The following CNTN5 variants were observed in gnomAD, a reference collection of about 807,000 sequenced individuals.
The protein encoded by CNTN5 is contactin-5.
CNTN5 carries 77 observed loss-of-function variants against 129.1 expected under a neutral mutation model. That is an observed-to-expected ratio of 0.60 (90% CI 0.50 to 0.72). The LOEUF (loss-of-function observed/expected upper bound fraction) is 0.72. Among genes scored for constraint, CNTN5 ranks in the 30% least tolerant of loss-of-function variants. The pLI, the probability that CNTN5 is intolerant of heterozygous loss-of-function variation, is 0.00. For synonymous variants in CNTN5, 509 were observed against 465.6 expected, an observed-to-expected ratio of 1.09 and a Z score of -1.20; for missense variants, 1,478 against 1,328.8, an observed-to-expected ratio of 1.11 and a Z score of -1.75.
At chr11:99,683,441 C>G (rs1055886485) in intron 3 of CNTN5, among the ~76,000 whole-genome samples, 3 of 151,872 alleles carry the variant, frequency 2.0e-5, no homozygotes, top group African/African-American at 7.2e-5. Context: ...ATTTTAAGTG[C>G]ACATATATGC....
chr11:99,881,503 G>C (rs985512505), intron 6 of CNTN5, among the ~76,000 whole-genome samples: 6 of 152,090 alleles, frequency 3.9e-5, no homozygotes, highest in Admixed American at 1.3e-4. Context: ...ATTCATTGAA[G>C]TCCACTATTA....
chr11:99,545,279 C>T (rs968812876), intron 2 of CNTN5, among the ~76,000 whole-genome samples: 2 of 152,244 alleles, frequency 1.3e-5, no homozygotes, highest in Middle Eastern at 3.4e-3. Context: ...TAACTATGTG[C>T]CTATAACAAG....
At chr11:99,437,012 A>G (rs983382540) in intron 2 of CNTN5, among the ~76,000 whole-genome samples, 8 of 152,186 alleles carry the variant, frequency 5.3e-5, no homozygotes, top group Non-Finnish European at 8.8e-5. Flanking sequence ...AGTGAACTCC[A>G]ACTGTCTATG....
chr11:99,483,489 C>T (rs1442630500), intron 2 of CNTN5, among the ~76,000 whole-genome samples: 1 of 152,128 alleles, frequency 6.6e-6, no homozygotes, highest in African/African-American at 2.4e-5. Context: ...TCTCTTAGTG[C>T]ACATTCTTGA....
chr11:100,127,428 T>C (rs943977966), intron 13 of CNTN5, among the ~76,000 whole-genome samples: 6 of 151,954 alleles, frequency 3.9e-5, no homozygotes, highest in Admixed American at 2.6e-4. Flanking sequence ...TTATTTTTCT[T>C]AAAAAATAAT....
chr11:99,935,367 A>G (rs898585605), intron 7 of CNTN5, among the ~76,000 whole-genome samples: 2 of 151,982 alleles, frequency 1.3e-5, no homozygotes, highest in Non-Finnish European at 1.5e-5. Context: ...GACCTTAGAG[A>G]TTAGGTTTTT....
chr11:99,789,385 C>T (rs570223576), intron 3 of CNTN5, among the ~76,000 whole-genome samples: 2 of 151,810 alleles, frequency 1.3e-5, no homozygotes, highest in Non-Finnish European at 2.9e-5. Flanking sequence ...GGGGTTTAAA[C>T]TTGAGGAAAA....
chr11:99,845,364 A>ATATTTTTTTTTTTTTTTTTT (rs1947653236), intron 6 of CNTN5, 102 bp downstream of exon 6: 1 of 239,346 alleles, frequency 4.2e-6, no homozygotes, highest in South Asian at 1.4e-4. Flanking sequence ...AAGATCTCAA[A>ATATTTTTTTTTTTTTTTTTT]TCTTTTTTTT....
intron 1 of CNTN5, among the ~76,000 whole-genome samples, chr11:99,309,456 C>G (rs1344317995): frequency 6.6e-6 from 1 of 152,226 alleles, no homozygotes; most frequent in South Asian, 2.1e-4. Context: ...TCCCTCCCAA[C>G]AACAAAAGAC....
intron 1 of CNTN5, among the ~76,000 whole-genome samples, chr11:99,029,960 A>G (rs1477954477): frequency 6.6e-6 from 1 of 152,184 alleles, no homozygotes; most frequent in African/African-American, 2.4e-5. Flanking sequence ...TTTGACAAAG[A>G]GAAGAATGGA....
At chr11:99,258,200 T>C (rs894388091) in intron 1 of CNTN5, among the ~76,000 whole-genome samples, 6 of 152,038 alleles carry the variant, frequency 3.9e-5, no homozygotes, top group African/African-American at 1.2e-4. Context: ...GTTTGTTATA[T>C]AGGTAAACTC....
chr11:99,044,342 T>C lies in CNTN5; in HGVS notation c.-210+23072T>C, dbSNP rs78771293. ...TGTGAATTTGGAATTTTCTAACTCC[T>C]TTTATTTTGGTACGAAAATGTGAAA... On this transcript the variant is annotated intron_variant, in intron 1 of 24. Transcript: ENST00000524871. Among the ~76,000 whole-genome samples, 1,493 of 152,286 alleles carry C rather than the reference T, an allele frequency of 9.8e-3. 22 individuals are homozygous for C. Among genetic ancestry groups the C allele is most frequent in the African/African-American group, 0.034 (1,410 of 41,552 alleles).
At chr11:99,386,628 C>A (rs1191409773) in intron 2 of CNTN5, among the ~76,000 whole-genome samples, 1 of 152,136 alleles carries the variant, frequency 6.6e-6, no homozygotes, top group Non-Finnish European at 1.5e-5. Context: ...GTGCTGACCT[C>A]CTATCTCATC....
intron 20 of CNTN5, among the ~76,000 whole-genome samples, chr11:100,299,847 G>A (rs912838632): frequency 1.3e-5 from 2 of 151,414 alleles, no homozygotes; most frequent in Non-Finnish European, 3.0e-5. Context: ...GGAAGTTTCA[G>A]ACAGGGCTTT....
intron 17 of CNTN5, among the ~76,000 whole-genome samples, chr11:100,265,094 CT>C (rs1224876896): frequency 2.0e-5 from 3 of 151,764 alleles, no homozygotes; most frequent in East Asian, 1.9e-4. Flanking sequence ...TTTCAGAGTT[CT>C]TTTTTAATTC....
intron 9 of CNTN5, among the ~76,000 whole-genome samples, chr11:100,022,918 T>C (rs1221879648): frequency 6.6e-6 from 1 of 152,204 alleles, no homozygotes; most frequent in Admixed American, 6.5e-5. Flanking sequence ...GAGTATATAA[T>C]GTGGTTTTTT....
At chr11:99,050,711 C>T (rs12798467) in intron 1 of CNTN5, among the ~76,000 whole-genome samples, 17,686 of 151,384 alleles carry the variant, frequency 0.12, 1,170 homozygotes, top group Non-Finnish European at 0.15. Flanking sequence ...TATTTAGCAA[C>T]TTACAATTTT....
At chr11:100,078,298 T>C (rs975702021) in intron 13 of CNTN5, among the ~76,000 whole-genome samples, 5 of 152,168 alleles carry the variant, frequency 3.3e-5, no homozygotes, top group African/African-American at 9.6e-5. Flanking sequence ...GAAAATAATA[T>C]GACTTTTAGA....
chr11:99,753,250 G>A (rs1443479379), intron 3 of CNTN5, among the ~76,000 whole-genome samples: 1 of 148,316 alleles, frequency 6.7e-6, no homozygotes, highest in Non-Finnish European at 1.5e-5. Flanking sequence ...AGCCTCCCGA[G>A]TAGCTGGGAC....
Sources: allele counts gnomAD v4.1 joint callset (sites outside exome capture counted in the v4.1 genomes callset), GRCh38; gene constraint gnomAD v4.1.1; transcripts MANE v1.5; gene names NCBI Gene and HGNC (gene_info 2026-07-23, HGNC 2026-07-21).